Variants in OAS1 observed in about 807,000 individuals in gnomAD.
The protein encoded by OAS1 is 2'-5'-oligoadenylate synthase 1.
In OAS1, 24 loss-of-function variants were observed where a neutral mutation model predicts 38.5. The observed-to-expected ratio is 0.62, with a 90% CI of 0.45 to 0.88. The LOEUF is 0.88. Among genes scored for constraint, OAS1 ranks in the 40% least tolerant of loss-of-function variants. OAS1 has a pLI of 0.00. For missense variants in OAS1, 482 were observed against 493.9 expected (o/e 0.98, Z 0.23); for synonymous variants, 169 against 193.9 (o/e 0.87, Z 1.07).
chr12:112,909,105 A>C, intron 2 of OAS1: 1 of 419,340 alleles, frequency 2.4e-6, no homozygotes, highest in Non-Finnish European at 4.2e-6. Flanking sequence ...ATCTTTCTAA[A>C]ATCAGGCAGC....
At chr12:112,926,310 A>C (rs775214028) in intron 6 of OAS1, among the ~76,000 whole-genome samples, 18 of 152,326 alleles carry the variant, frequency 1.2e-4, no homozygotes, top group South Asian at 6.2e-4. Flanking sequence ...GTTAATAAAA[A>C]AATGCATGTA....
intron 5 of OAS1, chr12:112,918,617 G>T: frequency 2.2e-6 from 1 of 455,530 alleles, no homozygotes; most frequent in Non-Finnish European, 4.4e-6. Context: ...GGCTCAGAGA[G>T]GTGAGGTCAC....
intron 6 of OAS1, among the ~76,000 whole-genome samples, chr12:112,926,499 C>T (rs565498992): frequency 7.9e-5 from 12 of 152,138 alleles, no homozygotes; most frequent in African/African-American, 9.6e-5. Flanking sequence ...CATCACATGT[C>T]GGCAGGTTCT....
chr12:112,911,367 A>AGGAGAGAAAGGAAAAAGAGGT, intron 3 of OAS1, 132 bp downstream of exon 3: 1 of 678,684 alleles, frequency 1.5e-6, no homozygotes, highest in Non-Finnish European at 2.4e-6. Context: ...GGATGGAAAA[A>AGGAGAGAAAGGAAAAAGAGGT]GGAGAGAAAG....
At position 112,908,543 on chromosome 12, in the gene OAS1, C is replaced by A; in HGVS notation, c.188C>A (p.Ser63Tyr). The change falls in exon 2 of 6, where the codon TCC becomes TAC. Residue 63 changes from serine (S) to tyrosine (Y), a missense_variant. By Grantham distance (144) the Ser-to-Tyr change is moderately radical. Coordinates refer to ENST00000202917, the MANE Select transcript of OAS1 (RefSeq NM_016816.4). ...TTTTGTCGTCTTTTTCAGGGTGGCT[C>A]CTCAGGCAAGGGCACCACCCTCAGA... Reference protein sequence around the residue: ...VCVSKVVKGGSSGKGTTLRGR... With the variant: ...VCVSKVVKGGYSGKGTTLRGR... 1 of 1,607,146 alleles carries A rather than the reference C, an allele frequency of 6.2e-7. No homozygotes were observed. The highest frequency in any genetic ancestry group is 8.5e-7 in the Non-Finnish European group (1 of 1,176,328).
chr12:112,912,167 G>A (rs754708690), intron 3 of OAS1, among the ~76,000 whole-genome samples: 4 of 152,080 alleles, frequency 2.6e-5, no homozygotes, highest in Non-Finnish European at 5.9e-5. Flanking sequence ...GCAAAACCTC[G>A]TCTCTACAAA....
intron 2 of OAS1, among the ~76,000 whole-genome samples, chr12:112,910,513 C>T (rs1198734587): frequency 2.0e-5 from 3 of 151,926 alleles, no homozygotes; most frequent in Admixed American, 6.6e-5. Context: ...GCCTGAGTGG[C>T]GAGAAGGAGT....
At chr12:112,921,929 T>C (rs1338885833), downstream of OAS1, among the ~76,000 whole-genome samples, 8 of 152,312 alleles carry the variant, frequency 5.3e-5, no homozygotes, top group Non-Finnish European at 1.0e-4. Flanking sequence ...CATGTCCTTT[T>C]TGAATATACA....
rs1399069479 is a variant in OAS1, at chr12:112,916,528, A to G, written c.674A>G (p.Lys225Arg). 1.2e-6 allele frequency: 2 copies of G among 1,614,112 alleles called. No individual in the cohort carries two copies. The highest frequency in any genetic ancestry group is 1.7e-5 in the Admixed American group (1 of 60,018). ...WYQNCKKKLG[K>R]LPPQYALELL... ...TCTCAGTGTAAGAAGAAGCTTGGGA[A>G]GCTGCCACCTCAGTATGCCCTGGAG... Residue 225 changes from lysine (K) to arginine (R), a missense_variant, in exon 4 of 6, where the codon AAG becomes AGG. By Grantham distance (26) the Lys-to-Arg change is conservative. Transcript: ENST00000202917.
chr12:112,920,181 T>C (rs1219926926), downstream of OAS1, among the ~76,000 whole-genome samples: 1 of 152,254 alleles, frequency 6.6e-6, no homozygotes, highest in Non-Finnish European at 1.5e-5. Context: ...ATCTTAATGT[T>C]AGATGGTTTT....
chr12:112,909,870 T>C (rs1207036694), intron 2 of OAS1, among the ~76,000 whole-genome samples: 2 of 152,198 alleles, frequency 1.3e-5, no homozygotes, highest in East Asian at 1.9e-4. Flanking sequence ...TAATTAATAG[T>C]TGGTCATTAA....
At chr12:112,908,507 T>C (rs955886250) in intron 1 of OAS1, 29 bp from the exon 2 acceptor site, 8 of 1,592,230 alleles carry the variant, frequency 5.0e-6, no homozygotes, top group Admixed American at 1.8e-5. Context: ...TCACTAAGCA[T>C]CAATTATTAT....
chr12:112,923,877 T>C (rs1320392641), downstream of OAS1, among the ~76,000 whole-genome samples: 7 of 143,462 alleles, frequency 4.9e-5, no homozygotes, highest in Admixed American at 5.0e-4. Context: ...AGAATAAAAT[T>C]GGACCCTTAC....
rs777387017 is a variant in OAS1 at position 112,916,652 on chromosome 12, G to A, written c.798G>A (p.Gln266=). The change falls in exon 4 of 6, where the codon CAG becomes CAA. Residue 266 remains glutamine, a synonymous_variant. Transcript: ENST00000202917. ...RTVLELVINY[Q]QLCIYWTKYY... is the part of the protein sequence containing the mutation. ...TCTTGGAATTAGTCATAAACTACCA[G>A]CAACTCTGCATCTACTGGACAAAGT... 6.2e-7 allele frequency: 1 copy of A among 1,614,104 alleles called. No homozygotes were observed. The highest frequency in any genetic ancestry group is 1.7e-5 in the Admixed American group (1 of 60,004).
At chr12:112,929,234 A>C (rs1565968968) in intron 6 of OAS1, among the ~76,000 whole-genome samples, 1 of 152,222 alleles carries the variant, frequency 6.6e-6, no homozygotes, top group Non-Finnish European at 1.5e-5. Flanking sequence ...GGTGTAAGGC[A>C]GACCTCAGAA....
rs1276702510 is a variant in OAS1, at chr12:112,919,571, G to A, written c.*18G>A. On this transcript the variant is annotated 3_prime_UTR_variant, in exon 6 of 6. Transcript: ENST00000202917. ...TCCTCTGAATGCCAGTGCATCTTGG[G>A]GGAAAGGGCTCCAGTGTTATCTGGA... 6.2e-7 allele frequency: 1 copy of A among 1,614,170 alleles called. No individual in the cohort carries two copies. The highest frequency in any genetic ancestry group is 1.1e-5 in the South Asian group (1 of 91,078).
chr12:112,911,271 T>C, intron 3 of OAS1, 36 bp downstream of exon 3: 2 of 1,493,040 alleles, frequency 1.3e-6, no homozygotes, highest in Non-Finnish European at 1.8e-6. Context: ...GGGTCCTGTC[T>C]CGACTGGGAG....
At chr12:112,910,139 G>C (rs886743088) in intron 2 of OAS1, among the ~76,000 whole-genome samples, 4 of 152,114 alleles carry the variant, frequency 2.6e-5, no homozygotes, top group Non-Finnish European at 5.9e-5. Context: ...AGGCCAAAGT[G>C]GGGGGATCAC....
In OAS1 at chr12:112,908,536, G is replaced by T; in HGVS notation, c.181G>T (p.Gly61Cys). 1 of 1,603,846 alleles carries T rather than the reference G, an allele frequency of 6.2e-7. No homozygotes were observed. The highest frequency in any genetic ancestry group is 8.5e-7 in the Non-Finnish European group (1 of 1,175,168). ...YPVCVSKVVK[G>C]GSSGKGTTLR... ...TTATTATTTTTGTCGTCTTTTTCAGGGTGGCTCCTCAGGCAAGGGCACCAC... is the reference window on the plus strand; with the variant it reads ...TTATTATTTTTGTCGTCTTTTTCAGTGTGGCTCCTCAGGCAAGGGCACCAC... Residue 61 changes from glycine (G) to cysteine (C), a missense_variant and splice_region_variant, in exon 2 of 6, where the codon GGT becomes TGT. Transcript: ENST00000202917.
Sources: allele counts gnomAD v4.1 joint callset (sites outside exome capture counted in the v4.1 genomes callset), GRCh38; gene constraint gnomAD v4.1.1; transcripts MANE v1.5; gene names NCBI Gene and HGNC (gene_info 2026-07-23, HGNC 2026-07-21).